Variants in NCOA7 observed in about 807,000 individuals in gnomAD.
NCOA7 encodes the protein nuclear receptor coactivator 7.
Under a neutral mutation model 104.3 loss-of-function variants are expected in NCOA7, and 45 were observed. The observed-to-expected ratio is 0.43, with a 90% CI of 0.34 to 0.55. The LOEUF is 0.55. NCOA7 is among the 20% of genes least tolerant of loss of function. The pLI, the probability that NCOA7 is intolerant of heterozygous loss-of-function variation, is 0.02. For synonymous variants in NCOA7, 398 were observed against 402.3 expected, an observed-to-expected ratio of 0.99 and a Z score of 0.13; for missense variants, 1,041 against 1,119.7, an observed-to-expected ratio of 0.93 and a Z score of 1.00.
At chr6:125,833,550 G>A (rs1310303415) in intron 2 of NCOA7, among the ~76,000 whole-genome samples, 1 of 127,812 alleles carries the variant, frequency 7.8e-6, no homozygotes, top group African/African-American at 2.9e-5. Flanking sequence ...TCCAGTCTAG[G>A]CAACAGAGCA....
Position 125,864,455 on chromosome 6 carries a change from T to A in NCOA7, c.271+9215T>A, listed in dbSNP as rs573645505. ...AAATGGATGACCTTTATTTTTTTTT[T>A]AAATTTATTTGTGTTTTAAAATCAC... On this transcript the variant is annotated intron_variant, in intron 3 of 15. Transcript: ENST00000392477. 4.5e-4 allele frequency among the ~76,000 whole-genome samples: 62 copies of A among 137,212 alleles called. 6 individuals are homozygous for A. Among genetic ancestry groups the A allele is most frequent in the Admixed American group, 3.0e-3 (44 of 14,530 alleles). The allele number at this position is 137,212 out of a possible 152,430, so 90.0% of individuals were successfully genotyped here.
At chr6:125,905,315 G>A (rs1020691763) in intron 10 of NCOA7, among the ~76,000 whole-genome samples, 10 of 150,032 alleles carry the variant, frequency 6.7e-5, no homozygotes, top group Admixed American at 2.7e-4. Context: ...GGAGTGCAGC[G>A]GTGCGATCTC....
rs1209249991 is a variant in NCOA7 at position 125,885,235 on chromosome 6, T to C, written c.776T>C (p.Ile259Thr). 6.2e-6 allele frequency: 10 copies of C among 1,614,062 alleles called. No individual in the cohort carries two copies. The highest frequency in any genetic ancestry group is 7.6e-6 in the Non-Finnish European group (9 of 1,179,940). ...CCTCATAAATCTGATCCTCTGGTTA[T>C]TGAAAATGGGTGTGAGGAGTATGGT... Reference protein sequence around the residue: ...FDPHKSDPLVIENGCEEYGLI... With the variant: ...FDPHKSDPLVTENGCEEYGLI... Residue 259 changes from isoleucine (I) to threonine (T), a missense_variant, in exon 8 of 16, where the codon ATT (isoleucine) becomes ACT (threonine). Ile to Thr is a moderately conservative substitution (Grantham distance 89, BLOSUM62 -1). Transcript: ENST00000392477.
chr6:125,904,799 G>A (rs1214893542), intron 10 of NCOA7, among the ~76,000 whole-genome samples: 1 of 152,160 alleles, frequency 6.6e-6, no homozygotes, highest in Non-Finnish European at 1.5e-5. Flanking sequence ...GGAGACATTG[G>A]GAAAACATTA....
chr6:125,859,625 AAAT>A (rs1781876021), intron 3 of NCOA7, among the ~76,000 whole-genome samples: 1 of 152,204 alleles, frequency 6.6e-6, no homozygotes, highest in South Asian at 2.1e-4. Context: ...ATAGAGTTGA[AAAT>A]AAAGTAAAAG....
chr6:125,805,087 CTTT>C (rs59737297), intron 1 of NCOA7, among the ~76,000 whole-genome samples: 2 of 58,048 alleles, frequency 3.4e-5, no homozygotes, highest in African/African-American at 6.2e-5. Context: ...CCCTCTTGTT[CTTT>C]TTTTTTTTTT....
At chr6:125,802,575 C>G (rs1158096553) in intron 1 of NCOA7, 2 of 152,158 alleles carry the variant, frequency 1.3e-5, no homozygotes, top group Non-Finnish European at 1.5e-5. Flanking sequence ...CAAAACAAGT[C>G]ACATGAAAAA....
At chr6:125,905,615 G>A (rs577781484) in intron 10 of NCOA7, among the ~76,000 whole-genome samples, 6 of 152,080 alleles carry the variant, frequency 3.9e-5, no homozygotes, top group African/African-American at 7.2e-5. Flanking sequence ...AGCCAGGTTC[G>A]ATTTAACAAA....
intron 2 of NCOA7, among the ~76,000 whole-genome samples, chr6:125,833,721 G>A (rs918858225): frequency 3.3e-5 from 5 of 152,098 alleles, no homozygotes; most frequent in Non-Finnish European, 7.3e-5. Flanking sequence ...ATTGCCATCA[G>A]CACGTTCCAC....
At chr6:125,797,123 G>A (rs1471611332) in intron 1 of NCOA7, among the ~76,000 whole-genome samples, 2 of 152,124 alleles carry the variant, frequency 1.3e-5, no homozygotes, top group Non-Finnish European at 2.9e-5. Flanking sequence ...ATAAAGGGAC[G>A]AAAGCCTCCA....
intron 2 of NCOA7, among the ~76,000 whole-genome samples, chr6:125,851,481 TC>T (rs1781124717): frequency 1.3e-5 from 2 of 152,240 alleles, no homozygotes; most frequent in Non-Finnish European, 2.9e-5. Context: ...GACCACATTT[TC>T]TTTATCCACT....
In NCOA7 at chr6:125,865,839, T is replaced by TTTTCTTTCTTTC. The variant is rs568498594; in HGVS notation, c.272-9038_272-9027dup. On this transcript the variant is annotated intron_variant, in intron 3 of 15. Coordinates refer to ENST00000392477, the MANE Select transcript of NCOA7 (RefSeq NM_181782.5). ...GCACCACGCCTGGCTAATTTTTATA[T>TTTTCTTTCTTTC]TTTCTTTCTTTCTTTCTTTCTTTTC... Among the ~76,000 whole-genome samples, 254 of 134,044 alleles carry TTTTCTTTCTTTC rather than the reference T, an allele frequency of 1.9e-3. 40 individuals carry two copies. Among genetic ancestry groups the TTTTCTTTCTTTC allele is most frequent in the African/African-American group, 6.4e-3 (202 of 31,492 alleles). 87.9% of individuals were successfully genotyped at this position (134,044 alleles called of 152,430 possible).
At chr6:125,797,686 G>A (rs1775467996) in intron 1 of NCOA7, among the ~76,000 whole-genome samples, 1 of 152,152 alleles carries the variant, frequency 6.6e-6, no homozygotes, top group South Asian at 2.1e-4. Flanking sequence ...CACCCCTGCA[G>A]TATGGGATAA....
intron 1 of NCOA7, among the ~76,000 whole-genome samples, chr6:125,811,074 T>A (rs953163067): frequency 1.3e-5 from 2 of 152,190 alleles, no homozygotes; most frequent in Admixed American, 1.3e-4. Context: ...TTAATAGAAA[T>A]CATTGCTTTT....
chr6:125,812,507 T>C (rs978317192), intron 1 of NCOA7, among the ~76,000 whole-genome samples: 21 of 152,220 alleles, frequency 1.4e-4, no homozygotes, highest in African/African-American at 5.1e-4. Flanking sequence ...TACTCCCATG[T>C]TTCTGTACAG....
intron 10 of NCOA7, chr6:125,913,723 G>C (rs762996172): frequency 2.2e-6 from 2 of 894,340 alleles, no homozygotes; most frequent in Non-Finnish European, 2.7e-6. Flanking sequence ...GAAAAGACAT[G>C]ATTAATATAA....
chr6:125,861,680 G>A (rs111783500), intron 3 of NCOA7, among the ~76,000 whole-genome samples: 3 of 152,240 alleles, frequency 2.0e-5, no homozygotes, highest in African/African-American at 7.2e-5. Flanking sequence ...ACATACCTGG[G>A]TGGTGAGAGG....
chr6:125,852,981 G>T (rs550184396), intron 2 of NCOA7, among the ~76,000 whole-genome samples: 1 of 152,246 alleles, frequency 6.6e-6, no homozygotes, highest in East Asian at 1.9e-4. Context: ...TTGGTATTTT[G>T]ATAGGAATTG....
In NCOA7 at chr6:125,890,562, A is replaced by G. The variant is rs1416791056; in HGVS notation, c.1928-80A>G. On this transcript the variant is annotated intron_variant, in intron 9 of 15. Coordinates refer to ENST00000392477, the MANE Select transcript of NCOA7 (RefSeq NM_181782.5). ...TGTTTTGACTAAGAGAGGATTGTGC[A>G]CTATTTTTTTTAAGTTGAAAAATTC... The G allele has an allele frequency of 4.4e-6, 6 of 1,351,192 alleles. No homozygotes were observed. In the African/African-American group the frequency reaches 5.9e-5, roughly 13 times the overall value. 83.7% of individuals were successfully genotyped at this position (1,351,192 alleles called of 1,614,324 possible).
Sources: allele counts gnomAD v4.1 joint callset (sites outside exome capture counted in the v4.1 genomes callset), GRCh38; gene constraint gnomAD v4.1.1; transcripts MANE v1.5; gene names NCBI Gene and HGNC (gene_info 2026-07-23, HGNC 2026-07-21).